PPFIA4: variants seen among roughly 807,000 people sequenced by gnomAD.
PPFIA4 encodes liprin-alpha-4.
Under a neutral mutation model 145.7 loss-of-function variants are expected in PPFIA4, and 98 were observed. That is an observed-to-expected ratio of 0.67 (90% CI 0.57 to 0.80). The LOEUF is 0.80. Among genes scored for constraint, PPFIA4 ranks in the 30% least tolerant of loss-of-function variants. PPFIA4 has a pLI of 0.00. For synonymous variants in PPFIA4, 628 were observed against 649.6 expected (o/e 0.97, Z 0.51); for missense variants, 1,457 against 1,632.7 (o/e 0.89, Z 1.85).
intron 1 of PPFIA4, among the ~76,000 whole-genome samples, chr1:203,037,768 C>T (rs1218020936): frequency 6.6e-6 from 1 of 152,214 alleles, no homozygotes; most frequent in East Asian, 1.9e-4. Context: ...AGAGCAGATT[C>T]TCAGCCATGA....
intron 12 of PPFIA4, 134 bp from the exon 13 acceptor site, chr1:203,049,542 C>A: frequency 3.9e-6 from 3 of 759,544 alleles, no homozygotes; most frequent in Non-Finnish European, 5.9e-6. Context: ...GGGCCCCTGG[C>A]TTTGGACTTT....
intron 14 of PPFIA4, among the ~76,000 whole-genome samples, 168 bp downstream of exon 14, chr1:203,052,045 G>GCACC (rs749259069): frequency 2.9e-5 from 3 of 102,972 alleles, no homozygotes; most frequent in South Asian, 6.9e-4. Context: ...CAACAGCTGT[G>GCACC]CCCCCCCCCC....
chr1:203,051,405 C>T (rs567587260), intron 13 of PPFIA4: 2 of 840,868 alleles, frequency 2.4e-6, no homozygotes, highest in South Asian at 4.6e-5. Flanking sequence ...CCCTCCTGCG[C>T]CACGTGTGTC....
chr1:203,049,911 G>C lies in PPFIA4; in HGVS notation c.1511+144G>C, dbSNP rs1176798001. ...GGGACACTGAGGCTCAGATAACTTG[G>C]TCAGAGTCACCCAGCTTACTTGGGC... On this transcript the variant is annotated intron_variant, in intron 13 of 29. Coordinates refer to ENST00000295706, the MANE Select transcript of PPFIA4 (RefSeq NM_001304331.2). 4.4e-6 allele frequency: 3 copies of C among 689,372 alleles called. No homozygotes were observed. In the Admixed American group the frequency reaches 1.2e-4, roughly 28 times the overall value. The allele number at this position is 689,372 out of a possible 1,614,324, so 42.7% of individuals were successfully genotyped here. A position where few individuals can be genotyped will look rare whatever the true frequency, so the allele number is the denominator to read the frequency against.
Position 203,063,831 on chromosome 1 carries a change from C to CT in PPFIA4, c.2879dup (p.Ala961GlyfsTer8). On this transcript the variant is annotated frameshift_variant, in exon 25 of 30. Coordinates refer to ENST00000295706, the MANE Select transcript of PPFIA4 (RefSeq NM_001304331.2). LOFTEE classifies it high-confidence loss of function. ...CTCCTGCATCTCATTTCCCTAGACC[C>CT]TGGCCTATGGGGACATGAACCATGA... The CT allele has an allele frequency of 6.2e-7, 1 of 1,613,972 alleles. No homozygotes were observed.
chr1:203,034,679 A>G lies in PPFIA4; in HGVS notation c.-399-3931A>G, dbSNP rs901617739. 9 of 456,592 alleles carry G rather than the reference A, an allele frequency of 2.0e-5. No individual in the cohort carries two copies. In the East Asian group the frequency reaches 5.6e-4, roughly 28 times the overall value. The allele number at this position is 456,592 out of a possible 1,614,324, so 28.3% of individuals were successfully genotyped here. A position where few individuals can be genotyped will look rare whatever the true frequency, so the allele number is the denominator to read the frequency against. On this transcript the variant is annotated intron_variant, in intron 1 of 29. Coordinates refer to ENST00000295706, the MANE Select transcript of PPFIA4 (RefSeq NM_001304331.2). The stretch of plus-strand genomic sequence containing the variant: ...GGGCCTTTCAGTCACCCATGGCCTC[A>G]TGACCATGTTGGCTGCTCTGCAGAG...
At chr1:203,042,468 G>A (rs1438188555) in intron 2 of PPFIA4, among the ~76,000 whole-genome samples, 1 of 152,112 alleles carries the variant, frequency 6.6e-6, no homozygotes, top group African/African-American at 2.4e-5. Flanking sequence ...AAGCCTGACT[G>A]GGCAGGTCTG....
Position 203,045,965 on chromosome 1 carries a change from A to G in PPFIA4, c.983A>G (p.Asn328Ser), listed in dbSNP as rs752180391. 1.3e-5 allele frequency: 21 copies of G among 1,612,640 alleles called. No homozygotes were observed. The highest frequency in any genetic ancestry group is 1.7e-5 in the Non-Finnish European group (20 of 1,179,864). Residue 328 changes from asparagine to serine, a missense_variant, in exon 8 of 30, where the codon AAC becomes AGC. Around this residue, in one of 3 missense-constraint regions of PPFIA4, gnomAD observed 463 missense variants for 459.8 expected, o/e 1.01. Coordinates refer to ENST00000295706, the MANE Select transcript of PPFIA4 (RefSeq NM_001304331.2). The part of the protein sequence containing the change: ...LNDKLENELA[N>S]KESLHRQCEE... ...GACAAGCTGGAGAATGAGCTGGCCA[A>G]CAAGGAGTCCCTGCACCGCCAGGTA...
rs139220001 is a variant in PPFIA4, at chr1:203,046,605, G to A, written c.1140+223G>A. ...GGATGTGACAGTCTCATAAGAAGGGGTGTAAAAGTACTTGAAGGAGAAGAA... is the reference window on the plus strand; with the variant it reads ...GGATGTGACAGTCTCATAAGAAGGGATGTAAAAGTACTTGAAGGAGAAGAA... On this transcript the variant is annotated intron_variant, in intron 9 of 29. Coordinates refer to ENST00000295706, the MANE Select transcript of PPFIA4 (RefSeq NM_001304331.2). The A allele has an allele frequency of 5.6e-5, 25 of 445,172 alleles. 1 individual carries two copies. Among genetic ancestry groups the A allele is most frequent in the Middle Eastern group, 5.8e-4 (1 of 1,710 alleles). The allele number at this position is 445,172 out of a possible 1,614,324, so 27.6% of individuals were successfully genotyped here. A position where few individuals can be genotyped will look rare whatever the true frequency, so the allele number is the denominator to read the frequency against.
chr1:203,034,526 T>C (rs754444772), intron 1 of PPFIA4: 1 of 456,588 alleles, frequency 2.2e-6, no homozygotes, highest in South Asian at 1.5e-5. Flanking sequence ...AGAGTGTCTG[T>C]TTCTGCAGCG....
chr1:203,057,695 A>G (rs1365387500), intron 19 of PPFIA4, among the ~76,000 whole-genome samples: 1 of 152,198 alleles, frequency 6.6e-6, no homozygotes, highest in African/African-American at 2.4e-5. Flanking sequence ...TTCAGTGTCT[A>G]ATGAAAAGGA....
Position 203,045,946 on chromosome 1 carries a change from C to T in PPFIA4, c.964C>T (p.Leu322=). 6.2e-7 allele frequency: 1 copy of T among 1,612,856 alleles called. No homozygotes were observed. Among genetic ancestry groups the T allele is most frequent in the Non-Finnish European group, 8.5e-7 (1 of 1,179,884 alleles). The change falls in exon 8 of 30, where the codon CTG becomes TTG. Residue 322 remains leucine, a synonymous_variant. Transcript: ENST00000295706. ...ATCCATCCATGACCTCAATGACAAG[C>T]TGGAGAATGAGCTGGCCAACAAGGA... ...ATSIHDLNDK[L]ENELANKESL...
In PPFIA4 at chr1:203,043,355, G is replaced by T; in HGVS notation, c.235-42G>T. On this transcript the variant is annotated intron_variant, in intron 2 of 29. Coordinates refer to ENST00000295706, the MANE Select transcript of PPFIA4 (RefSeq NM_001304331.2). The surrounding 1 kb of genome is among the most constrained non-coding windows in gnomAD (Gnocchi z 4.4). Reference sequence around the variant, plus strand: ...CTTGCATGTGCAGGACACTGCTTTGGGGGTGAATCCTGAAGCACTGAGGGG... The same window carrying T: ...CTTGCATGTGCAGGACACTGCTTTGTGGGTGAATCCTGAAGCACTGAGGGG... 1 of 1,545,126 alleles carries T rather than the reference G, an allele frequency of 6.5e-7. No individual in the cohort carries two copies. Among genetic ancestry groups the T allele is most frequent in the Non-Finnish European group, 8.8e-7 (1 of 1,133,372 alleles).
At position 203,055,612 on chromosome 1, in the gene PPFIA4, A is replaced by G. The variant is rs1299351118; in HGVS notation, c.2010A>G (p.Thr670=). The change falls in exon 16 of 30, where the codon ACA becomes ACG. Residue 670 remains threonine (T), a synonymous_variant. Transcript: ENST00000295706. This position sits in a 1 kb window ranked among gnomAD's most constrained non-coding sequence, Gnocchi z 4.8. ...CCCCACCACTCAGCGGCCGCTCCAC[A>G]CCTAAGCTCACCTCCCGCAGTGCTG... ...SASPPLSGRS[T]PKLTSRSAAQ... 6.2e-7 allele frequency: 1 copy of G among 1,613,760 alleles called. No homozygotes were observed. Among genetic ancestry groups the G allele is most frequent in the Non-Finnish European group, 8.5e-7 (1 of 1,179,860 alleles).
Position 203,053,956 on chromosome 1 carries a change from A to G in PPFIA4, c.1824A>G (p.Glu608=). The G allele has an allele frequency of 6.4e-7, 1 of 1,562,628 alleles. No individual in the cohort carries two copies. Among genetic ancestry groups the G allele is most frequent in the South Asian group, 1.2e-5 (1 of 84,740 alleles). ...AGCAGCTGGATGCCATCAATGAGGA[A>G]ATCAGGTTAGGGCAGGGCTGGAGGG... is the stretch of plus-strand genomic sequence containing the variant. ...LQEQLDAINE[E]IRMIQEEKES... The change falls in exon 15 of 30, where the codon GAA becomes GAG. Residue 608 remains glutamate (E), a synonymous_variant. Coordinates refer to ENST00000295706, the MANE Select transcript of PPFIA4 (RefSeq NM_001304331.2).
Position 203,075,845 on chromosome 1 carries a change from G to A in PPFIA4, c.3574+88G>A. 7.8e-7 allele frequency: 1 copy of A among 1,279,140 alleles called. No homozygotes were observed. The highest frequency in any genetic ancestry group is 1.0e-6 in the Non-Finnish European group (1 of 990,570). The allele number at this position is 1,279,140 out of a possible 1,614,324, so 79.2% of individuals were successfully genotyped here. ...CCCAGGGCCGGGCCGGGTGGAGAGG[G>A]GCGAGGCCGAGGCTGGTGCCCCGCG... On this transcript the variant is annotated intron_variant, in intron 29 of 29. Coordinates refer to ENST00000295706, the MANE Select transcript of PPFIA4 (RefSeq NM_001304331.2). This position sits in a 1 kb window ranked among gnomAD's most constrained non-coding sequence, Gnocchi z 4.1.
At chr1:203,031,977 TG>T (rs1658864875) in intron 1 of PPFIA4, among the ~76,000 whole-genome samples, 1 of 151,978 alleles carries the variant, frequency 6.6e-6, no homozygotes, top group African/African-American at 2.4e-5. Flanking sequence ...TGGCTCCTGG[TG>T]TTACTTGTGT....
chr1:203,056,051 G>A, intron 16 of PPFIA4, 69 bp from the exon 17 acceptor site: 1 of 1,531,382 alleles, frequency 6.5e-7, no homozygotes, highest in Non-Finnish European at 9.0e-7. Context: ...AGACCACTGG[G>A]CTCCCCTGGG....
At chr1:203,034,519 G>C (rs1242976568) in intron 1 of PPFIA4, 1 of 456,542 alleles carries the variant, frequency 2.2e-6, no homozygotes, top group Non-Finnish European at 4.4e-6. Flanking sequence ...GCTCCGAAGA[G>C]TGTCTGTTTC....
Sources: gnomAD v4.1 joint callset for allele counts (sites outside exome capture counted in the v4.1 genomes callset) on GRCh38, gnomAD v4.1.1 for gene constraint, gnomAD v4.1.1 regional missense constraint, Gnocchi (gnomAD v3.1) non-coding constraint, MANE v1.5 for transcripts, NCBI Gene and HGNC (gene_info 2026-07-23, HGNC 2026-07-21) for gene names.